Variants in CRPPA observed in about 807,000 individuals in gnomAD.
CRPPA encodes the protein CDP-L-ribitol pyrophosphorylase A, also known as D-ribitol-5-phosphate cytidylyltransferase.
In CRPPA, 43 loss-of-function variants were observed where a neutral mutation model predicts 52.0. The observed-to-expected ratio is 0.83, with a 90% confidence interval of 0.65 to 1.07. The LOEUF is 1.07. CRPPA is among the 50% of genes least tolerant of loss of function. The pLI is 0.00. For missense variants in CRPPA, 629 were observed against 551.7 expected (o/e 1.14, Z -1.40); for synonymous variants, 250 against 203.5 (o/e 1.23, Z -1.94).
chr7:16,089,467 A>G lies in CRPPA; in HGVS notation c.*2228T>C, dbSNP rs1020422965. 3.4e-5 allele frequency: 11 copies of G among 326,686 alleles called. No individual in the cohort carries two copies. The highest frequency in any genetic ancestry group is 2.1e-4 in the African/African-American group (10 of 47,414). 20.2% of individuals were successfully genotyped at this position (326,686 alleles called of 1,614,324 possible). A position where few individuals can be genotyped will look rare whatever the true frequency, so the allele number is the denominator to read the frequency against. ...TACGTGCATACATATATGTGTATATATGTACGTACATATATACGGGTATAT... is the reference window on the plus strand; with the variant it reads ...TACGTGCATACATATATGTGTATATGTGTACGTACATATATACGGGTATAT... On this transcript the variant is annotated 3_prime_UTR_variant, in exon 10 of 10. Coordinates refer to ENST00000407010, the MANE Select transcript of CRPPA (RefSeq NM_001101426.4).
At chr7:16,199,365 T>G (rs1324771273) in intron 9 of CRPPA, among the ~76,000 whole-genome samples, 1 of 152,192 alleles carries the variant, frequency 6.6e-6, no homozygotes, top group Admixed American at 6.5e-5. Context: ...TTATCTTTAA[T>G]AGTAGTTAAT....
intron 2 of CRPPA, among the ~76,000 whole-genome samples, chr7:16,397,498 G>C (rs1420301980): frequency 1.3e-5 from 2 of 151,966 alleles, no homozygotes; most frequent in Admixed American, 6.5e-5. Flanking sequence ...AAACATGACT[G>C]ACACATAACA....
chr7:16,305,658 G>C (rs1029219112), intron 4 of CRPPA, among the ~76,000 whole-genome samples: 3 of 152,132 alleles, frequency 2.0e-5, no homozygotes, highest in Non-Finnish European at 4.4e-5. Context: ...ACAAAGTCAG[G>C]AGATCAAGAC....
chr7:16,182,684 A>G (rs952985480), intron 9 of CRPPA, among the ~76,000 whole-genome samples: 1 of 152,192 alleles, frequency 6.6e-6, no homozygotes, highest in African/African-American at 2.4e-5. Flanking sequence ...CCAAGTTATC[A>G]GCCCTGATTC....
chr7:16,379,453 G>A (rs1222992688), intron 2 of CRPPA, among the ~76,000 whole-genome samples: 1 of 152,108 alleles, frequency 6.6e-6, no homozygotes, highest in African/African-American at 2.4e-5. Context: ...TTTTGGCTTA[G>A]GATTGACTTG....
intron 6 of CRPPA, chr7:16,266,226 G>A (rs1783949533): frequency 6.6e-6 from 1 of 152,188 alleles, no homozygotes; most frequent in Non-Finnish European, 1.5e-5. Context: ...TCAATCTTCA[G>A]ATTTGATATC....
chr7:16,321,320 T>C (rs1441202245), intron 3 of CRPPA, among the ~76,000 whole-genome samples: 2 of 152,134 alleles, frequency 1.3e-5, no homozygotes, highest in East Asian at 1.9e-4. Flanking sequence ...ACTTATTTGA[T>C]AAACTCATCA....
intron 2 of CRPPA, among the ~76,000 whole-genome samples, chr7:16,403,341 G>C (rs1314873884): frequency 6.6e-6 from 1 of 152,134 alleles, no homozygotes; most frequent in Non-Finnish European, 1.5e-5. Context: ...CTTAATGCCA[G>C]CCTTAATCGT....
At chr7:16,353,803 T>C (rs1458894260) in intron 3 of CRPPA, among the ~76,000 whole-genome samples, 1 of 151,398 alleles carries the variant, frequency 6.6e-6, no homozygotes, top group Non-Finnish European at 1.5e-5. Flanking sequence ...TGAGCTGAGA[T>C]CACACCACTG....
At chr7:16,282,239 A>G (rs1000788916) in intron 5 of CRPPA, among the ~76,000 whole-genome samples, 2 of 152,132 alleles carry the variant, frequency 1.3e-5, no homozygotes, top group African/African-American at 4.8e-5. Flanking sequence ...CTCAATTTAA[A>G]TGACTTCATA....
At chr7:16,285,088 A>G (rs961344042) in intron 5 of CRPPA, among the ~76,000 whole-genome samples, 1 of 152,214 alleles carries the variant, frequency 6.6e-6, no homozygotes, top group Non-Finnish European at 1.5e-5. Context: ...AACAAAGTAC[A>G]TAACAACTAC....
intron 8 of CRPPA, among the ~76,000 whole-genome samples, chr7:16,217,354 A>T (rs1782358331): frequency 6.6e-6 from 1 of 152,102 alleles, no homozygotes; most frequent in South Asian, 2.1e-4. Context: ...GACAGAACAG[A>T]AAAACTGGAA....
rs530689494 is a variant in CRPPA, at chr7:16,330,669, T to G, written c.685-22042A>C. 1.6e-4 allele frequency among the ~76,000 whole-genome samples: 24 copies of G among 152,276 alleles called. No homozygotes were observed. In the South Asian group the frequency reaches 4.4e-3, roughly 28 times the overall value. ...TTCTGTGAGTTTTACCTCCAGGAGCTTGATCAGGTTCTCATACTACTAATA... is the reference window on the plus strand; with the variant it reads ...TTCTGTGAGTTTTACCTCCAGGAGCGTGATCAGGTTCTCATACTACTAATA... On this transcript the variant is annotated intron_variant, in intron 3 of 9. Transcript: ENST00000407010.
intron 9 of CRPPA, among the ~76,000 whole-genome samples, chr7:16,125,297 A>T (rs1782556265): frequency 6.6e-6 from 1 of 151,464 alleles, no homozygotes; most frequent in African/African-American, 2.4e-5. Flanking sequence ...AACAACTGCA[A>T]ATAAACACAA....
intron 3 of CRPPA, among the ~76,000 whole-genome samples, chr7:16,356,402 C>A (rs756270561): frequency 1.1e-4 from 16 of 152,160 alleles, no homozygotes; most frequent in Non-Finnish European, 2.4e-4. Flanking sequence ...TTAAAGATAG[C>A]CACAAATGCT....
intron 9 of CRPPA, among the ~76,000 whole-genome samples, chr7:16,175,969 T>A (rs1293832230): frequency 6.6e-6 from 1 of 152,128 alleles, no homozygotes; most frequent in African/African-American, 2.4e-5. Context: ...TATCTAAATG[T>A]AGCCTTAAAA....
chr7:16,147,800 C>T (rs1000617138), intron 9 of CRPPA, among the ~76,000 whole-genome samples: 1 of 152,152 alleles, frequency 6.6e-6, no homozygotes, highest in African/African-American at 2.4e-5. Flanking sequence ...TTTATTCTGA[C>T]TTGCCTAACC....
At chr7:16,279,138 G>T (rs1048322167) in intron 5 of CRPPA, among the ~76,000 whole-genome samples, 5 of 152,132 alleles carry the variant, frequency 3.3e-5, no homozygotes, top group Admixed American at 3.3e-4. Flanking sequence ...TTTAAGATAG[G>T]ATTCCTGAAT....
chr7:16,243,836 G>A (rs544271749), intron 8 of CRPPA, among the ~76,000 whole-genome samples: 40 of 152,148 alleles, frequency 2.6e-4, no homozygotes, highest in African/African-American at 9.4e-4. Context: ...GCATAGTGGT[G>A]TGCACCTGTA....
Sources: gnomAD v4.1 joint callset for allele counts (sites outside exome capture counted in the v4.1 genomes callset) on GRCh38, gnomAD v4.1.1 for gene constraint, MANE v1.5 for transcripts, NCBI Gene and HGNC (gene_info 2026-07-23, HGNC 2026-07-21) for gene names.